Variants in CMKLR1 observed in about 807,000 individuals in gnomAD.
CMKLR1 encodes chemerin chemokine-like receptor 1.
A neutral mutation model predicts 8.2 loss-of-function variants in CMKLR1; 6 were observed. That is an observed-to-expected ratio of 0.73 (90% CI 0.40 to 1.44). CMKLR1 has a LOEUF of 1.44. Ranked by LOEUF, CMKLR1 falls within the 40% of genes most tolerant of loss-of-function variation. The pLI is 0.02. For synonymous variants in CMKLR1, 178 were observed against 181.2 expected (o/e 0.98, Z 0.14); for missense variants, 429 against 478.0 (o/e 0.90, Z 0.96).
chr12:108,296,061 G>A (rs146243026), intron 2 of CMKLR1, among the ~76,000 whole-genome samples: 73 of 152,268 alleles, frequency 4.8e-4, no homozygotes, highest in African/African-American at 1.5e-3. Context: ...CTCTGGAAGC[G>A]TAAGGGAGGC....
chr12:108,324,359 C>T (rs139731559), intron 2 of CMKLR1, among the ~76,000 whole-genome samples: 8 of 152,268 alleles, frequency 5.3e-5, no homozygotes, highest in African/African-American at 1.7e-4. Flanking sequence ...AGCTGTGTGA[C>T]CTTGGGCAAG....
In CMKLR1 at chr12:108,288,830, C is replaced by T. The variant is rs1216996149; in HGVS notation, c.*3011G>A. 4 of 152,350 alleles carry T rather than the reference C, an allele frequency of 2.6e-5. No homozygotes were observed. The highest frequency in any genetic ancestry group is 2.9e-5 in the Non-Finnish European group (2 of 68,192). 9.4% of individuals were successfully genotyped at this position (152,350 alleles called of 1,614,324 possible). A position where few individuals can be genotyped will look rare whatever the true frequency, so the allele number is the denominator to read the frequency against. ...TTCTTCTTCTCCCCACCCTCTCCTT[C>T]CAAGGGCTGAAGAAGTTGGGCATTC... On this transcript the variant is annotated 3_prime_UTR_variant, in exon 4 of 4. Coordinates refer to ENST00000550402, the MANE Select transcript of CMKLR1 (RefSeq NM_001142343.2).
chr12:108,299,724 A>T (rs1311028663), intron 2 of CMKLR1, among the ~76,000 whole-genome samples: 1 of 152,136 alleles, frequency 6.6e-6, no homozygotes, highest in Non-Finnish European at 1.5e-5. Flanking sequence ...GATAGGAGGG[A>T]TGCTGCCCCA....
intron 1 of CMKLR1, among the ~76,000 whole-genome samples, chr12:108,338,666 TA>T (rs201789020): frequency 2.7e-5 from 4 of 150,928 alleles, no homozygotes; most frequent in African/African-American, 4.9e-5. Context: ...ACTGTTCTAA[TA>T]AAAAAAAAGA....
intron 2 of CMKLR1, among the ~76,000 whole-genome samples, chr12:108,323,611 GT>G (rs1241787124): frequency 1.3e-5 from 2 of 152,178 alleles, no homozygotes; most frequent in Non-Finnish European, 2.9e-5. Context: ...ACCTGCACAA[GT>G]TTCTGCCCCT....
At chr12:108,322,097 A>T (rs1447611732) in intron 2 of CMKLR1, among the ~76,000 whole-genome samples, 1 of 152,238 alleles carries the variant, frequency 6.6e-6, no homozygotes, top group Non-Finnish European at 1.5e-5. Flanking sequence ...TATATGTTAC[A>T]TGAGGGGCTT....
intron 2 of CMKLR1, among the ~76,000 whole-genome samples, chr12:108,319,785 T>C (rs1891816639): frequency 6.6e-6 from 1 of 152,192 alleles, no homozygotes; most frequent in Admixed American, 6.5e-5. Flanking sequence ...TAAGGGAGTA[T>C]GGTTTAAAAA....
Position 108,291,882 on chromosome 12 carries a change from C to T in CMKLR1, c.1081G>A (p.Glu361Lys), listed in dbSNP as rs373370627. ...RSFTKMSSMNERTSMNERETG... is the reference protein window; with the variant it reads ...RSFTKMSSMNKRTSMNERETG... The stretch of plus-strand genomic sequence containing the variant: ...TCCCTCTCATTCATAGAAGTCCTCT[C>T]ATTCATTGATGACATCTTGGTAAAG... The change falls in exon 4 of 4, where the codon GAG becomes AAG. Residue 361 changes from glutamate to lysine, a missense_variant. Coordinates refer to ENST00000550402, the MANE Select transcript of CMKLR1 (RefSeq NM_001142343.2). 7 of 1,614,086 alleles carry T rather than the reference C, an allele frequency of 4.3e-6. No homozygotes were observed. Among genetic ancestry groups the T allele is most frequent in the East Asian group, 2.2e-5 (1 of 44,882 alleles).
At chr12:108,331,644 T>C (rs1892110956) in intron 1 of CMKLR1, among the ~76,000 whole-genome samples, 1 of 152,162 alleles carries the variant, frequency 6.6e-6, no homozygotes, top group Non-Finnish European at 1.5e-5. Context: ...CTTGAGATGG[T>C]GGGATTATGC....
intron 2 of CMKLR1, among the ~76,000 whole-genome samples, chr12:108,325,107 G>T (rs939618261): frequency 6.6e-6 from 1 of 152,206 alleles, no homozygotes; most frequent in Admixed American, 6.5e-5. Flanking sequence ...CAGAGCCAGG[G>T]CTGTGGAAGG....
chr12:108,333,252 C>A (rs1892148597), intron 1 of CMKLR1, among the ~76,000 whole-genome samples: 1 of 150,170 alleles, frequency 6.7e-6, no homozygotes, highest in Admixed American at 6.6e-5. Context: ...GAAAGCAGAA[C>A]CGATTCTGAC....
rs757850821 is a variant in CMKLR1, at chr12:108,292,804, G to A, written c.159C>T (p.Leu53=). ...LVVVYSIVCF[L]GILGNGLVII... is the part of the protein sequence containing the mutation. ...TCACCAGACCATTGCCCAGAATCCC[G>A]AGGAAGCAGACGATGCTGTAGACCA... is the stretch of plus-strand genomic sequence containing the variant. The change falls in exon 4 of 4, where the codon CTC becomes CTT. Residue 53 remains leucine, a synonymous_variant. Coordinates refer to ENST00000550402, the MANE Select transcript of CMKLR1 (RefSeq NM_001142343.2). 2.2e-5 allele frequency: 35 copies of A among 1,614,120 alleles called. No individual in the cohort carries two copies. The East Asian group carries it at 2.2e-4, about 10-fold the overall frequency.
Position 108,291,911 on chromosome 12 carries a change from C to T in CMKLR1, c.1052G>A (p.Arg351Lys). The change falls in exon 4 of 4, where the codon AGA becomes AAA. Residue 351 changes from arginine (R) to lysine (K), a missense_variant. Coordinates refer to ENST00000550402, the MANE Select transcript of CMKLR1 (RefSeq NM_001142343.2). ...DTGHSSYPSH[R>K]SFTKMSSMNE... ...CATTGATGACATCTTGGTAAAGCTT[C>T]TATGGCTGGGGTAGGAAGAGTGGCC... 6.2e-7 allele frequency: 1 copy of T among 1,614,196 alleles called. No homozygotes were observed.
intron 2 of CMKLR1, among the ~76,000 whole-genome samples, chr12:108,327,527 T>A (rs948058167): frequency 1.3e-5 from 2 of 152,154 alleles, no homozygotes; most frequent in African/African-American, 4.8e-5. Flanking sequence ...AAGGAGTGAG[T>A]GAACACACAT....
chr12:108,304,184 G>A (rs1891348320), intron 2 of CMKLR1, among the ~76,000 whole-genome samples: 1 of 152,120 alleles, frequency 6.6e-6, no homozygotes, highest in Non-Finnish European at 1.5e-5. Context: ...GGTCTCCATG[G>A]GTCGACTTGG....
intron 2 of CMKLR1, among the ~76,000 whole-genome samples, chr12:108,316,942 C>T (rs1263875251): frequency 1.3e-5 from 2 of 151,850 alleles, no homozygotes; most frequent in Non-Finnish European, 2.9e-5. Context: ...AGGACTACTA[C>T]AGGCATACAC....
At chr12:108,307,907 C>A (rs1050099731) in intron 2 of CMKLR1, among the ~76,000 whole-genome samples, 1 of 152,182 alleles carries the variant, frequency 6.6e-6, no homozygotes, top group Non-Finnish European at 1.5e-5. Context: ...AGGAGAATAA[C>A]CTCTGTGGCA....
At position 108,293,672 on chromosome 12, in the gene CMKLR1, G is replaced by GGAAA; in HGVS notation, c.-73-9_-73-8insTTTC. 1.1e-6 allele frequency: 1 copy of GGAAA among 901,972 alleles called. No individual in the cohort carries two copies. The highest frequency in any genetic ancestry group is 1.6e-6 in the Non-Finnish European group (1 of 631,184). 55.9% of individuals were successfully genotyped at this position (901,972 alleles called of 1,614,324 possible). On this transcript the variant is annotated splice_polypyrimidine_tract_variant and intron_variant, in intron 2 of 3. Coordinates refer to ENST00000550402, the MANE Select transcript of CMKLR1 (RefSeq NM_001142343.2). The stretch of plus-strand genomic sequence containing the variant: ...GTACACAGCTAGAAACACCTGTAGG[G>GGAAA]AAAAAAAAAAAAAAAAAAGCAGCAA...
intron 2 of CMKLR1, among the ~76,000 whole-genome samples, chr12:108,308,677 G>C (rs144106847): frequency 6.1e-4 from 93 of 152,268 alleles, no homozygotes; most frequent in African/African-American, 2.1e-3. Flanking sequence ...CAAGGCAGGG[G>C]CCCCTCCAGA....
Sources: gnomAD v4.1 joint callset for allele counts (sites outside exome capture counted in the v4.1 genomes callset) on GRCh38, gnomAD v4.1.1 for gene constraint, MANE v1.5 for transcripts, NCBI Gene and HGNC (gene_info 2026-07-23, HGNC 2026-07-21) for gene names.